ZFHX3: variants seen among roughly 807,000 people sequenced by gnomAD.
ZFHX3 encodes zinc finger homeobox 3.
In ZFHX3, 42 loss-of-function variants were observed where a neutral mutation model predicts 279.1. The ratio of observed to expected loss-of-function variants is 0.15; its 90% CI spans 0.12 to 0.19. ZFHX3 has a LOEUF of 0.19. ZFHX3 is among the 10% of genes least tolerant of loss of function. The pLI, the probability that ZFHX3 is intolerant of heterozygous loss-of-function variation, is 1.00. For missense variants in ZFHX3, 4,981 were observed against 4,754.0 expected, an observed-to-expected ratio of 1.05 and a Z score of -1.40; for synonymous variants, 2,293 against 1,957.8, an observed-to-expected ratio of 1.17 and a Z score of -4.52.
intron 3 of ZFHX3, among the ~76,000 whole-genome samples, chr16:72,936,201 C>CT (rs1960115826): frequency 6.6e-6 from 1 of 152,214 alleles, no homozygotes; most frequent in South Asian, 2.1e-4. Flanking sequence ...CAACATATGC[C>CT]TTAGGGCTCT....
chr16:73,496,907 C>T (rs778172708), intron 2 of ZFHX3, among the ~76,000 whole-genome samples: 2 of 152,196 alleles, frequency 1.3e-5, no homozygotes, highest in African/African-American at 4.8e-5. Context: ...ATGATCCCAG[C>T]TTTGTCAGAC....
intron 3 of ZFHX3, among the ~76,000 whole-genome samples, chr16:73,451,745 T>G (rs1259879007): frequency 6.6e-6 from 1 of 152,218 alleles, no homozygotes; most frequent in African/African-American, 2.4e-5. Context: ...CTTAGGTTTT[T>G]GGGCATAAAA....
intron 5 of ZFHX3, among the ~76,000 whole-genome samples, chr16:73,240,642 C>A (rs1215352822): frequency 6.6e-6 from 1 of 152,182 alleles, no homozygotes; most frequent in Non-Finnish European, 1.5e-5. Context: ...CCTTATTTGA[C>A]CTCAGCTGGG....
chr16:73,346,514 C>T (rs1217584572), intron 3 of ZFHX3, among the ~76,000 whole-genome samples: 2 of 152,220 alleles, frequency 1.3e-5, no homozygotes, highest in African/African-American at 4.8e-5. Context: ...CTTTGTCATC[C>T]AGGCTGGAGT....
chr16:73,365,058 C>T (rs1276051504), intron 3 of ZFHX3, among the ~76,000 whole-genome samples: 4 of 152,152 alleles, frequency 2.6e-5, no homozygotes, highest in African/African-American at 9.6e-5. Flanking sequence ...AGGCATGTGG[C>T]GAAGATCACT....
At chr16:73,255,704 G>C (rs2013644490) in intron 5 of ZFHX3, among the ~76,000 whole-genome samples, 1 of 152,208 alleles carries the variant, frequency 6.6e-6, no homozygotes, top group South Asian at 2.1e-4. Context: ...CCAGGATTTA[G>C]TTTTCCTTAA....
At chr16:72,989,381 C>T (rs1414578173) in intron 1 of ZFHX3, among the ~76,000 whole-genome samples, 1 of 151,618 alleles carries the variant, frequency 6.6e-6, no homozygotes, top group Non-Finnish European at 1.5e-5. Context: ...ACTCAGGAGG[C>T]TGAGGCAGGA....
intron 1 of ZFHX3, among the ~76,000 whole-genome samples, chr16:73,012,737 A>G (rs1963959930): frequency 6.6e-6 from 1 of 152,214 alleles, no homozygotes; most frequent in Non-Finnish European, 1.5e-5. Context: ...CACGAATGAT[A>G]TAATCTAGAT....
chr16:73,058,472 G>T, intron 1 of ZFHX3: 1 of 179,336 alleles, frequency 5.6e-6, no homozygotes, highest in Non-Finnish European at 1.1e-5. Flanking sequence ...GGGAGGAGGA[G>T]GAGGAGCAGG....
intron 3 of ZFHX3, among the ~76,000 whole-genome samples, chr16:72,944,541 C>T (rs1012392902): frequency 6.6e-6 from 1 of 151,880 alleles, no homozygotes; most frequent in Non-Finnish European, 1.5e-5. Context: ...TCAGGTATTA[C>T]ACAACGTCAT....
chr16:72,841,528 T>TC (rs1459871436), intron 4 of ZFHX3, among the ~76,000 whole-genome samples: 3 of 152,194 alleles, frequency 2.0e-5, no homozygotes, highest in African/African-American at 7.2e-5. Flanking sequence ...AGTAGTTGGA[T>TC]CCAAAGCCTC....
chr16:72,846,054 A>T (rs2037471610), intron 4 of ZFHX3, among the ~76,000 whole-genome samples: 1 of 151,936 alleles, frequency 6.6e-6, no homozygotes. Context: ...TGTGGCACCT[A>T]CCCCAGGCAT....
intron 1 of ZFHX3, among the ~76,000 whole-genome samples, chr16:73,701,216 T>C (rs2053243128): frequency 1.3e-5 from 2 of 152,176 alleles, no homozygotes; most frequent in Non-Finnish European, 2.9e-5. Flanking sequence ...TATTTGAAAA[T>C]AAATAAATCA....
chr16:73,737,462 ACCATCTCAGTTG>A (rs1435171653), intron 1 of ZFHX3, among the ~76,000 whole-genome samples: 1 of 152,232 alleles, frequency 6.6e-6, no homozygotes, highest in East Asian at 1.9e-4. Flanking sequence ...AGACAGCATA[ACCATCTCAGTTG>A]CTCTGAAGTT....
At chr16:73,806,122 G>T (rs1960269790) in intron 1 of ZFHX3, among the ~76,000 whole-genome samples, 1 of 152,226 alleles carries the variant, frequency 6.6e-6, no homozygotes, top group African/African-American at 2.4e-5. Context: ...ATCAGCTCTT[G>T]TAAGAACTCA....
At chr16:73,878,652 CT>C (rs1242506689) in intron 1 of ZFHX3, among the ~76,000 whole-genome samples, 1 of 150,666 alleles carries the variant, frequency 6.6e-6, no homozygotes, top group African/African-American at 2.4e-5. Flanking sequence ...TAAGTCAAAT[CT>C]TTTGAGAGTT....
chr16:72,992,120 A>G (rs977774308), intron 1 of ZFHX3, among the ~76,000 whole-genome samples: 1 of 152,206 alleles, frequency 6.6e-6, no homozygotes, highest in Non-Finnish European at 1.5e-5. Context: ...TCAACCATTA[A>G]AAGTCCCCAA....
chr16:73,002,975 T>A (rs570598911), intron 1 of ZFHX3, among the ~76,000 whole-genome samples: 25 of 152,216 alleles, frequency 1.6e-4, no homozygotes, highest in African/African-American at 6.0e-4. Flanking sequence ...ATTCTTTAGC[T>A]TCTCTTCTAT....
At chr16:73,114,582 G>T (rs1966411232) in intron 7 of ZFHX3, among the ~76,000 whole-genome samples, 1 of 152,060 alleles carries the variant, frequency 6.6e-6, no homozygotes, top group South Asian at 2.1e-4. Flanking sequence ...AGGAGGGTGA[G>T]CTGGGAGGAT....
Sources: allele counts gnomAD v4.1 joint callset (sites outside exome capture counted in the v4.1 genomes callset), GRCh38; gene constraint gnomAD v4.1.1; transcripts MANE v1.5; gene names NCBI Gene and HGNC (gene_info 2026-07-23, HGNC 2026-07-21).